DDC: variants seen among roughly 807,000 people sequenced by gnomAD.
DDC encodes aromatic-L-amino-acid decarboxylase.
A neutral mutation model predicts 60.0 loss-of-function variants in DDC; 43 were observed. The observed-to-expected ratio is 0.72, with a 90% CI of 0.56 to 0.92. DDC has a LOEUF of 0.92. Among genes scored for constraint, DDC ranks in the 40% least tolerant of loss-of-function variants. DDC has a pLI of 0.00. For missense variants in DDC, 573 were observed against 620.2 expected (o/e 0.92, Z 0.81); for synonymous variants, 232 against 234.6 (o/e 0.99, Z 0.10).
intron 9 of DDC, among the ~76,000 whole-genome samples, chr7:50,481,705 T>C (rs749193412): frequency 8.5e-5 from 13 of 152,250 alleles, no homozygotes; most frequent in Non-Finnish European, 1.9e-4. Context: ...GCCACAAGGC[T>C]GAATTTGTGT....
chr7:50,499,080 C>T, intron 8 of DDC, 68 bp downstream of exon 8: 1 of 1,230,482 alleles, frequency 8.1e-7, no homozygotes, highest in Non-Finnish European at 1.2e-6. Context: ...GTCAGCTCCT[C>T]ATGAAGGGAG....
rs372242937 is a variant in DDC, at chr7:50,499,103, G to C, written c.876+45C>G. 3.6e-5 allele frequency: 51 copies of C among 1,410,956 alleles called. 1 individual carries two copies. The highest frequency in any genetic ancestry group is 4.7e-5 in the Non-Finnish European group (47 of 994,924). The allele number at this position is 1,410,956 out of a possible 1,614,324, so 87.4% of individuals were successfully genotyped here. On this transcript the variant is annotated intron_variant, in intron 8 of 14. Coordinates refer to ENST00000444124, the MANE Select transcript of DDC (RefSeq NM_001082971.2). ...CTCATGAAGGGAGAGGTCAATAACA[G>C]AGCACTGTGAAAACAGCCTTAGGGA...
In DDC at chr7:50,479,852, C is replaced by A; in HGVS notation, c.956G>T (p.Arg319Ile). The change falls in exon 10 of 15, where the codon AGA (arginine) becomes ATA (isoleucine). Residue 319 changes from arginine (R) to isoleucine (I), a missense_variant. Arg to Ile is a moderately conservative substitution (Grantham distance 97, BLOSUM62 -3). Transcript: ENST00000444124. Reference protein sequence around the residue: ...FDCSAMWVKKRTDLTGAFRLD... With the variant: ...FDCSAMWVKKITDLTGAFRLD... ...TCTAAAGGCTCCCGTTAAGTCTGTT[C>A]TCTTTTTCACCCTGGTTTTAGAGAA... 6.2e-7 allele frequency: 1 copy of A among 1,613,632 alleles called. No individual in the cohort carries two copies. Among genetic ancestry groups the A allele is most frequent in the Non-Finnish European group, 8.5e-7 (1 of 1,179,880 alleles).
intron 6 of DDC, among the ~76,000 whole-genome samples, chr7:50,519,794 C>T (rs1336658047): frequency 6.6e-6 from 1 of 152,068 alleles, no homozygotes; most frequent in African/African-American, 2.4e-5. Context: ...GCAGTGTATA[C>T]TGCTCAGTTT....
chr7:50,481,175 CT>C (rs879329529), intron 9 of DDC, among the ~76,000 whole-genome samples: 4 of 152,134 alleles, frequency 2.6e-5, no homozygotes, highest in Non-Finnish European at 4.4e-5. Flanking sequence ...GAGAGAGAGG[CT>C]GGATTTATCT....
intron 1 of DDC, among the ~76,000 whole-genome samples, chr7:50,554,831 A>G (rs2045126904): frequency 6.6e-6 from 1 of 152,202 alleles, no homozygotes; most frequent in South Asian, 2.1e-4. Context: ...AGTTTTCTCA[A>G]CTACAGAGAG....
intron 1 of DDC, among the ~76,000 whole-genome samples, chr7:50,547,738 G>T (rs1010675935): frequency 6.6e-6 from 1 of 152,076 alleles, no homozygotes; most frequent in African/African-American, 2.4e-5. Context: ...TATCATAATC[G>T]CATGTATTAG....
chr7:50,560,564 T>G (rs1286769886), intron 1 of DDC, among the ~76,000 whole-genome samples: 2 of 152,134 alleles, frequency 1.3e-5, no homozygotes, highest in Non-Finnish European at 2.9e-5. Flanking sequence ...CAGGGAGGTG[T>G]GCATCTGAAT....
At chr7:50,513,669 T>G (rs529399386) in intron 6 of DDC, among the ~76,000 whole-genome samples, 1 of 152,190 alleles carries the variant, frequency 6.6e-6, no homozygotes, top group Admixed American at 6.5e-5. Flanking sequence ...CTTCGGTTTG[T>G]GTGGGAGCTG....
intron 13 of DDC, among the ~76,000 whole-genome samples, chr7:50,464,193 A>G (rs2042345656): frequency 6.6e-6 from 1 of 152,050 alleles, no homozygotes; most frequent in African/African-American, 2.4e-5. Flanking sequence ...TAGTCACCCA[A>G]ACCTCACAGG....
chr7:50,462,226 CAAAAAAAAAA>C (rs11410259), intron 14 of DDC, among the ~76,000 whole-genome samples: 3 of 75,380 alleles, frequency 4.0e-5, no homozygotes, highest in African/African-American at 1.6e-4. Context: ...GACAAAAAGA[CAAAAAAAAAA>C]AAAAAAAAAA....
Position 50,469,246 on chromosome 7 carries a change from T to C in DDC, c.1140+827A>G, listed in dbSNP as rs1228876457. Among the ~76,000 whole-genome samples the C allele has an allele frequency of 1.0e-4, 10 of 98,822 alleles. No homozygotes were observed. In the Admixed American group the frequency reaches 1.3e-3, roughly 13 times the overall value. The allele number at this position is 98,822 out of a possible 152,430, so 64.8% of individuals were successfully genotyped here. Reference sequence around the variant, plus strand: ...TGCGTGAGCCACCACACCCAGCCAATTGTTATTTTAAAAAAAAAAAAAAAA... The same window carrying C: ...TGCGTGAGCCACCACACCCAGCCAACTGTTATTTTAAAAAAAAAAAAAAAA... On this transcript the variant is annotated intron_variant, in intron 12 of 14. Transcript: ENST00000444124.
At chr7:50,498,989 C>T (rs11575394) in intron 8 of DDC, among the ~76,000 whole-genome samples, 159 bp downstream of exon 8, 1 of 152,178 alleles carries the variant, frequency 6.6e-6, no homozygotes, top group Non-Finnish European at 1.5e-5. Flanking sequence ...CTGGGGAAGG[C>T]TCTCAGCCCC....
At chr7:50,465,367 C>T (rs1464163535) in intron 13 of DDC, among the ~76,000 whole-genome samples, 2 of 152,132 alleles carry the variant, frequency 1.3e-5, no homozygotes, top group Non-Finnish European at 2.9e-5. Context: ...ACTAAAAATA[C>T]TCAAACGTAG....
chr7:50,533,013 C>A (rs899214016), intron 4 of DDC, among the ~76,000 whole-genome samples: 10 of 151,992 alleles, frequency 6.6e-5, no homozygotes, highest in African/African-American at 2.4e-4. Flanking sequence ...TGATGCAACA[C>A]AAATATCTTA....
intron 9 of DDC, chr7:50,493,010 G>C (rs1236168746): frequency 3.1e-6 from 5 of 1,595,494 alleles, no homozygotes; most frequent in Non-Finnish European, 3.4e-6. Context: ...CTGGACCTGA[G>C]GGCAGGACGC....
intron 9 of DDC, among the ~76,000 whole-genome samples, chr7:50,485,418 T>C (rs879937254): frequency 1.3e-5 from 2 of 152,242 alleles, no homozygotes; most frequent in Admixed American, 1.3e-4. Context: ...ACAACCAAAG[T>C]GTTTATGTTA....
At chr7:50,514,843 C>A (rs895434580) in intron 6 of DDC, among the ~76,000 whole-genome samples, 14 of 152,078 alleles carry the variant, frequency 9.2e-5, no homozygotes, top group African/African-American at 2.9e-4. Flanking sequence ...AAGACAAGGT[C>A]TTTGAATTAA....
chr7:50,499,351 T>A, intron 7 of DDC, 109 bp from the exon 8 acceptor site: 1 of 748,290 alleles, frequency 1.3e-6, no homozygotes, highest in Non-Finnish European at 2.3e-6. Flanking sequence ...ATGCCAACAG[T>A]ATTTGCTGAA....
Sources: allele counts gnomAD v4.1 joint callset (sites outside exome capture counted in the v4.1 genomes callset), GRCh38; gene constraint gnomAD v4.1.1; transcripts MANE v1.5; gene names NCBI Gene and HGNC (gene_info 2026-07-23, HGNC 2026-07-21).